Variants in CELSR1 observed in about 807,000 individuals in gnomAD.
The protein encoded by CELSR1 is cadherin EGF LAG seven-pass G-type receptor 1, also known as adhesion G protein-coupled receptor C1.
A neutral mutation model predicts 249.1 loss-of-function variants in CELSR1; 110 were observed. The observed-to-expected ratio is 0.44, with a 90% CI of 0.38 to 0.52. The LOEUF (loss-of-function observed/expected upper bound fraction) is 0.52. CELSR1 is among the 20% of genes least tolerant of loss of function. The pLI is 0.00. For synonymous variants in CELSR1, 2,113 were observed against 1,900.0 expected, an observed-to-expected ratio of 1.11 and a Z score of -2.92; for missense variants, 4,109 against 4,296.4, an observed-to-expected ratio of 0.96 and a Z score of 1.22.
intron 1 of CELSR1, among the ~76,000 whole-genome samples, chr22:46,491,966 G>T (rs1165732895): frequency 1.3e-5 from 2 of 152,306 alleles, no homozygotes; most frequent in Admixed American, 6.5e-5. Flanking sequence ...TTTCAGGTAA[G>T]TGATGTCTTT....
chr22:46,380,865 G>C lies in CELSR1; in HGVS notation c.7179C>G (p.Pro2393=). Reference sequence around the variant, plus strand: ...CCAGCAGGGCGAACTCCACCAGGACGGGCCTCTCCAGGGGTCTCGGGAGCG... The same window carrying C: ...CCAGCAGGGCGAACTCCACCAGGACCGGCCTCTCCAGGGGTCTCGGGAGCG... ...GAPLPRPLER[P]VLVEFALLEV... Residue 2393 remains proline, a synonymous_variant, in exon 22 of 35, where the codon CCC becomes CCG. Transcript: ENST00000674500. The surrounding 1 kb of genome is among the most constrained non-coding windows in gnomAD (Gnocchi z 5.1). 6.2e-7 allele frequency: 1 copy of C among 1,612,914 alleles called. No individual in the cohort carries two copies. Among genetic ancestry groups the C allele is most frequent in the Non-Finnish European group, 8.5e-7 (1 of 1,179,894 alleles).
rs970063871 is a variant in CELSR1, at chr22:46,473,604, C to T, written c.3545-9259G>A. On this transcript the variant is annotated intron_variant, in intron 1 of 34. Transcript: ENST00000674500. This position sits in a 1 kb window ranked among gnomAD's most constrained non-coding sequence, Gnocchi z 6.6. ...GCCTGGTTAGGGCAGCCCATGATGC[C>T]CTCGGGGTCCAGAGTCATTCCCCGT... 6.6e-6 allele frequency among the ~76,000 whole-genome samples: 1 copy of T among 152,166 alleles called. No individual in the cohort carries two copies. The highest frequency in any genetic ancestry group is 6.5e-5 in the Admixed American group (1 of 15,286).
chr22:46,374,181 C>T lies in CELSR1; in HGVS notation c.7585-1124G>A, dbSNP rs981131869. Among the ~76,000 whole-genome samples the T allele has an allele frequency of 6.6e-6, 1 of 152,168 alleles. No individual in the cohort carries two copies. Among genetic ancestry groups the T allele is most frequent in the African/African-American group, 2.4e-5 (1 of 41,424 alleles). On this transcript the variant is annotated intron_variant, in intron 24 of 34. Transcript: ENST00000674500. This position sits in a 1 kb window ranked among gnomAD's most constrained non-coding sequence, Gnocchi z 4.3. Reference sequence around the variant, plus strand: ...GAGGCGCGAGCGTGTGGCTGGAGAACTCTACACCAAACACCCTGGTTTCCT... The same window carrying T: ...GAGGCGCGAGCGTGTGGCTGGAGAATTCTACACCAAACACCCTGGTTTCCT...
chr22:46,499,133 T>C lies in CELSR1; in HGVS notation c.3544+34494A>G, dbSNP rs1002400629. On this transcript the variant is annotated intron_variant, in intron 1 of 34. Transcript: ENST00000674500. ...CGATGGCGGTTGCAGTGAGCCGAGA[T>C]CGTGCCACTGCACTCCAGCCTGGGC... 3.4e-5 allele frequency among the ~76,000 whole-genome samples: 5 copies of C among 148,150 alleles called. No homozygotes were observed. The Admixed American group carries it at 3.4e-4, about 10-fold the overall frequency.
intron 1 of CELSR1, among the ~76,000 whole-genome samples, chr22:46,495,079 C>T (rs895175406): frequency 6.6e-6 from 1 of 152,196 alleles, no homozygotes. Flanking sequence ...GCTGGTACAG[C>T]CTACTACACA....
At position 46,372,902 on chromosome 22, in the gene CELSR1, G is replaced by T. The variant is rs1381219464; in HGVS notation, c.7740C>A (p.Gly2580=). The T allele has an allele frequency of 6.2e-7, 1 of 1,608,552 alleles. No homozygotes were observed. The highest frequency in any genetic ancestry group is 1.7e-5 in the Admixed American group (1 of 59,678). Residue 2580 remains glycine, a synonymous_variant, in exon 25 of 35, where the codon GGC becomes GGA. Coordinates refer to ENST00000674500, the MANE Select transcript of CELSR1 (RefSeq NM_001378328.1). The stretch of plus-strand genomic sequence containing the variant: ...CCTCACCTGTGACAATGGCCGGGAT[G>T]CCCCAGCCCACGACGTAGTAGAACC... ...PMRFYYVVGW[G]IPAIVTGLAV...
Position 46,471,132 on chromosome 22 carries a change from C to G in CELSR1, c.3545-6787G>C, listed in dbSNP as rs2080151544. On this transcript the variant is annotated intron_variant, in intron 1 of 34. Transcript: ENST00000674500. The surrounding 1 kb of genome is among the most constrained non-coding windows in gnomAD (Gnocchi z 4.9). ...AGAGTGAGACTCCACCTCAAAAAAACAACAACAAAAAAGGAAGGAGTTACT... is the reference window on the plus strand; with the variant it reads ...AGAGTGAGACTCCACCTCAAAAAAAGAACAACAAAAAAGGAAGGAGTTACT... 6.6e-6 allele frequency among the ~76,000 whole-genome samples: 1 copy of G among 151,804 alleles called. No homozygotes were observed. The highest frequency in any genetic ancestry group is 2.4e-5 in the African/African-American group (1 of 41,324).
intron 1 of CELSR1, among the ~76,000 whole-genome samples, chr22:46,499,105 G>A (rs1050109013): frequency 3.3e-5 from 5 of 151,440 alleles, no homozygotes; most frequent in African/African-American, 1.2e-4. Flanking sequence ...GCTTGAGCCC[G>A]GGCGATGGCG....
rs2080068687 is a variant in CELSR1, at chr22:46,464,131, G to C, written c.3759C>G (p.Val1253=). The part of the protein sequence containing the change: ...FVFNVQNDTD[V]SSNILNVTFS... Reference sequence around the variant, plus strand: ...AGGTCACGTTCAGGATGTTGGAGCTGACGTCGGTGTCGTTCTGGACGTTGA... The same window carrying C: ...AGGTCACGTTCAGGATGTTGGAGCTCACGTCGGTGTCGTTCTGGACGTTGA... The change falls in exon 2 of 35, where the codon GTC becomes GTG. Residue 1253 remains valine, a synonymous_variant. Coordinates refer to ENST00000674500, the MANE Select transcript of CELSR1 (RefSeq NM_001378328.1). This position sits in a 1 kb window ranked among gnomAD's most constrained non-coding sequence, Gnocchi z 8.5. 6.2e-7 allele frequency: 1 copy of C among 1,613,874 alleles called. No individual in the cohort carries two copies. Among genetic ancestry groups the C allele is most frequent in the Non-Finnish European group, 8.5e-7 (1 of 1,180,048 alleles).
chr22:46,399,668 G>T lies in CELSR1; in HGVS notation c.5412+49C>A. On this transcript the variant is annotated intron_variant, in intron 10 of 34. Transcript: ENST00000674500. This position sits in a 1 kb window ranked among gnomAD's most constrained non-coding sequence, Gnocchi z 5.0. ...TCAAGGGGTCATTCTGTTTTTCCCT[G>T]GGCCGGAGGAAGGGTCTATCCCCAG... The T allele has an allele frequency of 1.3e-6, 2 of 1,580,954 alleles. No individual in the cohort carries two copies. The highest frequency in any genetic ancestry group is 1.7e-6 in the Non-Finnish European group (2 of 1,151,822).
rs2079210389 is a variant in CELSR1, at chr22:46,401,511, A to G, written c.5227-1609T>C. On this transcript the variant is annotated intron_variant, in intron 9 of 34. Transcript: ENST00000674500. This position sits in a 1 kb window ranked among gnomAD's most constrained non-coding sequence, Gnocchi z 4.7. ...AGGCCGTCAGCTGGTTCTGGAAGACACAGTGGAGGCTGAGCGTGCAGTCAG... is the reference window on the plus strand; with the variant it reads ...AGGCCGTCAGCTGGTTCTGGAAGACGCAGTGGAGGCTGAGCGTGCAGTCAG... Among the ~76,000 whole-genome samples the G allele has an allele frequency of 1.3e-5, 2 of 152,224 alleles. No homozygotes were observed. The highest frequency in any genetic ancestry group is 2.9e-5 in the Non-Finnish European group (2 of 68,036).
rs1315595678 is a variant in CELSR1 at position 46,364,721 on chromosome 22, T to G, written c.8570A>C (p.Asn2857Thr). 4 of 1,612,126 alleles carry G rather than the reference T, an allele frequency of 2.5e-6. No individual in the cohort carries two copies. The South Asian group carries it at 4.4e-5, about 18-fold the overall frequency. ...GTCGGGCCAGCCGGCCGGAACGTGG[T>G]TGGCCACAGCGTCCCCTGAGGCACG... The part of the protein sequence containing the change: ...HSTPKGDAVA[N>T]HVPAGWPDQS... Residue 2857 changes from asparagine to threonine, a missense_variant, in exon 33 of 35, where the codon AAC (asparagine) becomes ACC (threonine). Physicochemically the swap from Asn to Thr is moderately conservative, Grantham distance 65. Transcript: ENST00000674500.
In CELSR1 at chr22:46,434,290, C is replaced by T. The variant is rs112726714; in HGVS notation, c.4523-809G>A. The stretch of plus-strand genomic sequence containing the variant: ...TGAGCTCCTGCTGGAGTGGGGCGGG[C>T]GAGTCCCTTTGGGGATTCTGGGGCA... On this transcript the variant is annotated intron_variant, in intron 4 of 34. Coordinates refer to ENST00000674500, the MANE Select transcript of CELSR1 (RefSeq NM_001378328.1). This position sits in a 1 kb window ranked among gnomAD's most constrained non-coding sequence, Gnocchi z 4.9. 6.6e-3 allele frequency among the ~76,000 whole-genome samples: 1,002 copies of T among 152,260 alleles called. 7 individuals carry two copies. The highest frequency in any genetic ancestry group is 0.022 in the African/African-American group (910 of 41,552).
chr22:46,469,998 G>A (rs2080138923), intron 1 of CELSR1, among the ~76,000 whole-genome samples: 2 of 128,466 alleles, frequency 1.6e-5, no homozygotes, highest in African/African-American at 5.9e-5. Flanking sequence ...GAGGGAGGGA[G>A]GGAGAGGCAA....
In CELSR1 at chr22:46,398,878, G is replaced by A. The variant is rs568539050; in HGVS notation, c.5413-241C>T. Among the ~76,000 whole-genome samples, 13 of 152,326 alleles carry A rather than the reference G, an allele frequency of 8.5e-5. 1 individual carries two copies. In the South Asian group the frequency reaches 1.7e-3, roughly 19 times the overall value. ...GTCCATGCCCCAGCCTAGCTGAGGC[G>A]GCCAGTGGGGTCAACGTGGGCAACT... is the stretch of plus-strand genomic sequence containing the variant. On this transcript the variant is annotated intron_variant, in intron 10 of 34. Transcript: ENST00000674500. The surrounding 1 kb of genome is among the most constrained non-coding windows in gnomAD (Gnocchi z 7.2).
rs1442952705 is a variant in CELSR1 at position 46,535,859 on chromosome 22, G to C, written c.1312C>G (p.Pro438Ala). Residue 438 changes from proline (P) to alanine (A), a missense_variant, in exon 1 of 35, where the codon CCG (proline) becomes GCG (alanine). Physicochemically the swap from Pro to Ala is conservative, Grantham distance 27 (BLOSUM62 -1). Around this residue, in one of 7 missense-constraint regions of CELSR1, gnomAD observed 673 missense variants for 636.8 expected, o/e 1.06. Transcript: ENST00000674500. Reference protein sequence around the residue: ...EANDQGRNPGPLSATATVYIE... With the variant: ...EANDQGRNPGALSATATVYIE... ...TACACGGTGGCCGTGGCACTGAGCG[G>C]GCCCGGATTGCGCCCCTGGTCGTTG... The C allele has an allele frequency of 6.2e-7, 1 of 1,610,896 alleles. No homozygotes were observed. Among genetic ancestry groups the C allele is most frequent in the Admixed American group, 1.7e-5 (1 of 60,002 alleles).
In CELSR1 at chr22:46,534,228, G is replaced by A. The variant is rs1264709410; in HGVS notation, c.2943C>T (p.Ala981=). 6.2e-7 allele frequency: 1 copy of A among 1,613,780 alleles called. No homozygotes were observed. Among genetic ancestry groups the A allele is most frequent in the South Asian group, 1.1e-5 (1 of 91,086 alleles). ...AGATGGTCACCTGGATTTCTACCGAGGCGCTAAGGGGAGTGGGACTGCCCC... is the reference window on the plus strand; with the variant it reads ...AGATGGTCACCTGGATTTCTACCGAAGCGCTAAGGGGAGTGGGACTGCCCC... ...VDRGSPTPLS[A]SVEIQVTILD... is the part of the protein sequence containing the mutation. Residue 981 remains alanine, a synonymous_variant, in exon 1 of 35, where the codon GCC becomes GCT. Transcript: ENST00000674500. This position sits in a 1 kb window ranked among gnomAD's most constrained non-coding sequence, Gnocchi z 9.7.
rs374913455 is a variant in CELSR1, at chr22:46,367,862, G to T, written c.7953-7C>A. 1.2e-6 allele frequency: 2 copies of T among 1,607,680 alleles called. No homozygotes were observed. The highest frequency in any genetic ancestry group is 1.7e-6 in the Non-Finnish European group (2 of 1,178,752). On this transcript the variant is annotated splice_polypyrimidine_tract_variant and splice_region_variant and intron_variant, in intron 27 of 34. Coordinates refer to ENST00000674500, the MANE Select transcript of CELSR1 (RefSeq NM_001378328.1). ...TGCGGTCCTCAGCAGGGAGCTGCGG[G>T]AGGGCAGGATCAGGCCTGTGCCCAT...
At chr22:46,388,242 G>A (rs549770935) in intron 18 of CELSR1, among the ~76,000 whole-genome samples, 1 of 152,052 alleles carries the variant, frequency 6.6e-6, no homozygotes, top group African/African-American at 2.4e-5. Flanking sequence ...CCAGCTACTT[G>A]GGAGGCTGAG....
Sources: allele counts gnomAD v4.1 joint callset (sites outside exome capture counted in the v4.1 genomes callset), GRCh38; gene constraint gnomAD v4.1.1; regional missense constraint gnomAD v4.1.1; non-coding constraint Gnocchi (gnomAD v3.1); transcripts MANE v1.5; gene names NCBI Gene and HGNC (gene_info 2026-07-23, HGNC 2026-07-21).